COTL1: variants seen among roughly 807,000 people sequenced by gnomAD.
COTL1 encodes coactosin like F-actin binding protein 1, also known as coactosin-like protein.
A neutral mutation model predicts 16.5 loss-of-function variants in COTL1; 15 were observed. The observed-to-expected ratio is 0.91, with a 90% CI of 0.61 to 1.40. The LOEUF (loss-of-function observed/expected upper bound fraction) is 1.40, where lower values mean the gene tolerates loss of function less well. Among genes scored for constraint, COTL1 ranks in the 40% most tolerant of loss-of-function variants. The probability of loss-of-function intolerance (pLI) is 0.00; values close to 1 mark genes in which losing one functional copy is unlikely to be tolerated. For missense variants in COTL1, 220 were observed against 201.5 expected, an observed-to-expected ratio of 1.09 and a Z score of -0.56; for synonymous variants, 112 against 85.3, an observed-to-expected ratio of 1.31 and a Z score of -1.73.
At chr16:84,591,337 C>G (rs574401679) in intron 2 of COTL1, among the ~76,000 whole-genome samples, 1 of 151,990 alleles carries the variant, frequency 6.6e-6, no homozygotes, top group East Asian at 1.9e-4. Flanking sequence ...GCGCCCACCA[C>G]CACACCTGGC....
chr16:84,582,979 A>G (rs1904633813), intron 3 of COTL1, among the ~76,000 whole-genome samples: 1 of 152,230 alleles, frequency 6.6e-6, no homozygotes, highest in Non-Finnish European at 1.5e-5. Flanking sequence ...TTCCACCATC[A>G]AGGAAGATCG....
intron 3 of COTL1, among the ~76,000 whole-genome samples, chr16:84,586,006 C>T (rs143915495): frequency 1.8e-4 from 28 of 152,296 alleles, no homozygotes; most frequent in African/African-American, 6.7e-4. Context: ...GCCTCCCTGC[C>T]CAAAGGCGTG....
At chr16:84,591,308 C>T (rs1201195402) in intron 2 of COTL1, among the ~76,000 whole-genome samples, 2 of 151,650 alleles carry the variant, frequency 1.3e-5, no homozygotes, top group Admixed American at 6.6e-5. Context: ...CTCAGCCTCC[C>T]GAGTAGCTGG....
chr16:84,600,215 T>C (rs1366303952), intron 2 of COTL1, among the ~76,000 whole-genome samples: 1 of 152,150 alleles, frequency 6.6e-6, no homozygotes, highest in Non-Finnish European at 1.5e-5. Flanking sequence ...TCAAAAAACT[T>C]TGCAAAAGTA....
At chr16:84,612,982 G>T (rs1472891779) in intron 2 of COTL1, among the ~76,000 whole-genome samples, 1 of 149,698 alleles carries the variant, frequency 6.7e-6, no homozygotes, top group East Asian at 2.0e-4. Flanking sequence ...AATCTAGAAT[G>T]ACTCTTTCTT....
At chr16:84,609,774 C>A (rs1006212338) in intron 2 of COTL1, among the ~76,000 whole-genome samples, 9 of 138,894 alleles carry the variant, frequency 6.5e-5, no homozygotes, top group African/African-American at 2.0e-4. Flanking sequence ...GGGCTTCCCC[C>A]TTCACTTGGC....
chr16:84,605,574 G>A (rs1905196147), intron 2 of COTL1, among the ~76,000 whole-genome samples: 1 of 152,242 alleles, frequency 6.6e-6, no homozygotes, highest in Admixed American at 6.5e-5. Context: ...ATGGGGAAGG[G>A]TGGGGAAGAG....
At chr16:84,607,211 C>T (rs1051758953) in intron 2 of COTL1, among the ~76,000 whole-genome samples, 2 of 152,136 alleles carry the variant, frequency 1.3e-5, no homozygotes, top group Admixed American at 6.5e-5. Flanking sequence ...GGAGGGCATC[C>T]GAGCAGAGGG....
rs1417538249 is a variant in COTL1, at chr16:84,617,514, G to C, written c.147C>G (p.Ile49Met). The change falls in exon 2 of 4, where the codon ATC becomes ATG. Residue 49 changes from isoleucine (I) to methionine (M), a missense_variant. Coordinates refer to ENST00000262428, the MANE Select transcript of COTL1 (RefSeq NM_021149.5). The stretch of plus-strand genomic sequence containing the variant: ...GCGCCTCCCTACCTGTGCACTGCTG[G>C]ATGAAGTGCTGGTACTCCGCTCCCT... ...GEQGAEYQHF[I>M]QQCTDDVRLF... 6.4e-7 allele frequency: 1 copy of C among 1,554,310 alleles called. No homozygotes were observed. The highest frequency in any genetic ancestry group is 8.7e-7 in the Non-Finnish European group (1 of 1,148,638).
intron 2 of COTL1, among the ~76,000 whole-genome samples, chr16:84,591,877 T>TAAAATAAAAA (rs1399606488): frequency 3.1e-5 from 3 of 96,632 alleles, no homozygotes; most frequent in Non-Finnish European, 6.2e-5. Flanking sequence ...TAAAATAAAA[T>TAAAATAAAAA]AAAAATATGT....
At chr16:84,613,219 C>T (rs1181985277) in intron 2 of COTL1, among the ~76,000 whole-genome samples, 6 of 151,988 alleles carry the variant, frequency 3.9e-5, no homozygotes, top group South Asian at 2.1e-4. Context: ...AGGCTGGTCT[C>T]GAACTCCTGA....
intron 3 of COTL1, among the ~76,000 whole-genome samples, chr16:84,573,044 T>C (rs1904367402): frequency 2.6e-5 from 4 of 152,180 alleles, no homozygotes. Context: ...GTGAGCCACT[T>C]TGCCTGGCCG....
chr16:84,565,646 G>C lies in COTL1; in HGVS notation c.*1199C>G, dbSNP rs1205715875. The C allele has an allele frequency of 6.6e-6, 1 of 152,468 alleles. No individual in the cohort carries two copies. The highest frequency in any genetic ancestry group is 1.5e-5 in the Non-Finnish European group (1 of 68,026). The allele number at this position is 152,468 out of a possible 1,614,324, so 9.4% of individuals were successfully genotyped here. A position where few individuals can be genotyped will look rare whatever the true frequency, so the allele number is the denominator to read the frequency against. ...TATTTCTGTAAACTGTCTGAGTGCA[G>C]AGATGTTCTTTACAATCCCAATACA... On this transcript the variant is annotated 3_prime_UTR_variant, in exon 4 of 4. Transcript: ENST00000262428.
chr16:84,604,066 G>A (rs1360619339), intron 2 of COTL1, among the ~76,000 whole-genome samples: 1 of 121,070 alleles, frequency 8.3e-6, no homozygotes, highest in East Asian at 2.7e-4. Context: ...CCCCACCACG[G>A]CCCAACCCCA....
chr16:84,600,940 C>A (rs985526946), intron 2 of COTL1, among the ~76,000 whole-genome samples: 1 of 152,188 alleles, frequency 6.6e-6, no homozygotes, highest in African/African-American at 2.4e-5. Context: ...CTAGCACTTT[C>A]TTTCATGATA....
At chr16:84,568,873 G>A (rs533754210) in intron 3 of COTL1, 3 of 152,302 alleles carry the variant, frequency 2.0e-5, no homozygotes, top group Admixed American at 6.5e-5. Context: ...ATGCTTGTCC[G>A]AAGTCAGACA....
intron 2 of COTL1, among the ~76,000 whole-genome samples, chr16:84,614,478 T>C (rs1229220860): frequency 6.6e-6 from 1 of 151,628 alleles, no homozygotes; most frequent in East Asian, 1.9e-4. Context: ...AGAGATCCCA[T>C]TCTGGAAAGC....
chr16:84,617,578 G>C lies in COTL1; in HGVS notation c.83C>G (p.Thr28Ser), dbSNP rs768764476. 3 of 1,555,168 alleles carry C rather than the reference G, an allele frequency of 1.9e-6. No homozygotes were observed. The Admixed American group carries it at 5.8e-5, about 30-fold the overall frequency. The change falls in exon 2 of 4, where the codon ACT becomes AGT. Residue 28 changes from threonine to serine, a missense_variant. By Grantham distance (58) the Thr-to-Ser change is moderately conservative. Coordinates refer to ENST00000262428, the MANE Select transcript of COTL1 (RefSeq NM_021149.5). The stretch of plus-strand genomic sequence containing the variant: ...GATGGTGGAGCCGTCATATTTAAAA[G>C]TCACCCTTTGGGTTGGGAGAAGAAA... ...RDDGSAVIWVTFKYDGSTIVP... is the reference protein window; with the variant it reads ...RDDGSAVIWVSFKYDGSTIVP...
At chr16:84,605,628 G>A (rs1905197399) in intron 2 of COTL1, among the ~76,000 whole-genome samples, 1 of 152,210 alleles carries the variant, frequency 6.6e-6, no homozygotes, top group Non-Finnish European at 1.5e-5. Context: ...CGACCTGCCA[G>A]TACTGGCTTT....
Sources: allele counts gnomAD v4.1 joint callset (sites outside exome capture counted in the v4.1 genomes callset), GRCh38; gene constraint gnomAD v4.1.1; transcripts MANE v1.5; gene names NCBI Gene and HGNC (gene_info 2026-07-23, HGNC 2026-07-21).